The following IGSF10 variants were observed in gnomAD, a reference collection of about 807,000 sequenced individuals.
The protein encoded by IGSF10 is calvaria mechanical force protein 608.
A neutral mutation model predicts 128.2 loss-of-function variants in IGSF10; 126 were observed. The ratio of observed to expected loss-of-function variants is 0.98; its 90% CI spans 0.85 to 1.14. The LOEUF is 1.14. Among genes scored for constraint, IGSF10 ranks in the 50% most tolerant of loss-of-function variants. The pLI is 0.00. For synonymous variants in IGSF10, 1,185 were observed against 1,146.2 expected (o/e 1.03, Z -0.68); for missense variants, 3,295 against 3,149.8 (o/e 1.05, Z -1.10).
chr3:151,493,957 A>G, the IGSF10 span, among the ~76,000 whole-genome samples: 1 of 152,094 alleles, frequency 6.6e-6, no homozygotes, highest in Non-Finnish European at 1.5e-5. Flanking sequence ...AATTTGTTAC[A>G]CAGCAATAGA....
chr3:151,447,621 G>T lies in IGSF10; in HGVS notation c.2360C>A (p.Pro787Gln), dbSNP rs140241435. 1 of 1,614,126 alleles carries T rather than the reference G, an allele frequency of 6.2e-7. No homozygotes were observed. The highest frequency in any genetic ancestry group is 1.7e-5 in the Admixed American group (1 of 60,026). Residue 787 changes from proline to glutamine, a missense_variant, in exon 6 of 8, where the codon CCA becomes CAA. By Grantham distance (76) the Pro-to-Gln change is moderately conservative. Transcript: ENST00000282466. ...VSPPPVVTQL[P>Q]NIPGEEDDSS... ...ATCGTCTTCTTCACCAGGTATGTTT[G>T]GGAGTTGGGTGACCACTGGGGGTGG...
the IGSF10 span, among the ~76,000 whole-genome samples, chr3:151,613,986 C>A: frequency 2.6e-5 from 4 of 151,836 alleles, no homozygotes; most frequent in Non-Finnish European, 5.9e-5. Context: ...CAAGAAAAAA[C>A]AACCCCATCA....
chr3:151,466,830 C>T, the IGSF10 span, among the ~76,000 whole-genome samples: 2 of 152,266 alleles, frequency 1.3e-5, no homozygotes, highest in East Asian at 1.9e-4. Context: ...CCACCCGCCT[C>T]GGCCTCCTAA....
chr3:151,508,018 C>T, the IGSF10 span, among the ~76,000 whole-genome samples: 2 of 151,804 alleles, frequency 1.3e-5, no homozygotes, highest in African/African-American at 4.8e-5. Flanking sequence ...TCTACAAATA[C>T]TAATATAAAA....
chr3:151,586,202 C>T, the IGSF10 span, among the ~76,000 whole-genome samples: 6 of 152,168 alleles, frequency 3.9e-5, no homozygotes, highest in South Asian at 2.1e-4. Flanking sequence ...TCAAGCGATC[C>T]GCCCACCTCA....
Position 151,458,550 on chromosome 3 carries a change from T to C in IGSF10, c.160A>G (p.Ser54Gly). 6.2e-7 allele frequency: 1 copy of C among 1,614,084 alleles called. No homozygotes were observed. The highest frequency in any genetic ancestry group is 8.5e-7 in the Non-Finnish European group (1 of 1,180,014). The change falls in exon 3 of 8, where the codon AGC becomes GGC. Residue 54 changes from serine to glycine, a missense_variant. Physicochemically the swap from Ser to Gly is moderately conservative, Grantham distance 56. Coordinates refer to ENST00000282466, the MANE Select transcript of IGSF10 (RefSeq NM_178822.5). ...ATGCGTTCCACATTGGGCGGGATGC[T>C]GTCTGGGATGGAAGTCAGGTACCGA... ...TFRYLTSIPD[S>G]IPPNVERINL...
chr3:151,538,225 C>G, the IGSF10 span, among the ~76,000 whole-genome samples: 11 of 152,124 alleles, frequency 7.2e-5, no homozygotes, highest in Non-Finnish European at 1.5e-4. Context: ...TGTGATGGGT[C>G]ACTCCTGGGA....
intron 7 of IGSF10, among the ~76,000 whole-genome samples, chr3:151,441,369 T>A (rs1012935868): frequency 1.3e-5 from 2 of 152,224 alleles, no homozygotes; most frequent in Non-Finnish European, 2.9e-5. Context: ...AAACTCACAT[T>A]TCATAACTCA....
the IGSF10 span, among the ~76,000 whole-genome samples, chr3:151,561,516 T>A: frequency 1.3e-5 from 2 of 152,164 alleles, no homozygotes; most frequent in Non-Finnish European, 2.9e-5. Flanking sequence ...CTGGTGACTC[T>A]TTTGTAAATA....
the IGSF10 span, among the ~76,000 whole-genome samples, chr3:151,467,150 C>A: frequency 6.6e-6 from 1 of 152,178 alleles, no homozygotes; most frequent in East Asian, 1.9e-4. Flanking sequence ...CAAAAGAGGG[C>A]TGTGCTCTGA....
At chr3:151,479,885 T>C in the IGSF10 span, among the ~76,000 whole-genome samples, 1 of 152,092 alleles carries the variant, frequency 6.6e-6, no homozygotes, top group Admixed American at 6.5e-5. Flanking sequence ...AGGCAGTCTA[T>C]AGAAACTTAT....
rs763803025 is a variant in IGSF10 at position 151,445,040 on chromosome 3, C to T, written c.4941G>A (p.Lys1647=). 1.2e-6 allele frequency: 2 copies of T among 1,614,180 alleles called. No individual in the cohort carries two copies. Among genetic ancestry groups the T allele is most frequent in the Admixed American group, 3.3e-5 (2 of 60,014 alleles). Residue 1647 remains lysine, a synonymous_variant, in exon 6 of 8, where the codon AAG becomes AAA. Coordinates refer to ENST00000282466, the MANE Select transcript of IGSF10 (RefSeq NM_178822.5). ...FDSLSRYIFE[K]PRIVGGKAAS... The stretch of plus-strand genomic sequence containing the variant: ...CAGCTTTTCCTCCAACTATCCTGGG[C>T]TTTTCAAATATATACCTAGACAAAG...
intron 5 of IGSF10, among the ~76,000 whole-genome samples, chr3:151,452,302 G>C (rs977025249): frequency 6.6e-6 from 1 of 152,142 alleles, no homozygotes; most frequent in African/African-American, 2.4e-5. Context: ...CACAAACCTA[G>C]ATAGTATAGC....
the IGSF10 span, among the ~76,000 whole-genome samples, chr3:151,515,408 G>T: frequency 7.3e-6 from 1 of 137,562 alleles, no homozygotes; most frequent in Non-Finnish European, 1.5e-5. Flanking sequence ...TCATAGGTGG[G>T]AATTGAACAA....
the IGSF10 span, among the ~76,000 whole-genome samples, chr3:151,557,838 C>T: frequency 1.3e-5 from 2 of 149,760 alleles, no homozygotes; most frequent in Non-Finnish European, 3.0e-5. Flanking sequence ...AACATTTCCC[C>T]TAAGTTTAAT....
At chr3:151,482,506 C>G in the IGSF10 span, among the ~76,000 whole-genome samples, 1 of 152,052 alleles carries the variant, frequency 6.6e-6, no homozygotes, top group Non-Finnish European at 1.5e-5. Context: ...TTTAACATGA[C>G]TCAGAGGGGC....
chr3:151,530,427 T>A, the IGSF10 span, among the ~76,000 whole-genome samples: 3 of 151,598 alleles, frequency 2.0e-5, no homozygotes, highest in South Asian at 2.1e-4. Context: ...TTCACCAAGG[T>A]TGAAATGAAG....
chr3:151,513,610 G>A, the IGSF10 span, among the ~76,000 whole-genome samples: 5 of 152,170 alleles, frequency 3.3e-5, no homozygotes, highest in Non-Finnish European at 4.4e-5. Context: ...AGTGTTGGAA[G>A]TTCTGGCCAG....
At chr3:151,494,572 C>A in the IGSF10 span, among the ~76,000 whole-genome samples, 5 of 151,890 alleles carry the variant, frequency 3.3e-5, no homozygotes, top group Admixed American at 6.6e-5. Context: ...AATGTAAATA[C>A]GACTCAGGGT....
Sources: allele counts gnomAD v4.1 joint callset (sites outside exome capture counted in the v4.1 genomes callset), GRCh38; gene constraint gnomAD v4.1.1; transcripts MANE v1.5; gene names NCBI Gene and HGNC (gene_info 2026-07-23, HGNC 2026-07-21).